Variants in CNKSR2 observed in about 807,000 individuals in gnomAD.
The protein encoded by CNKSR2 is connector enhancer of kinase suppressor of Ras 2.
Under a neutral mutation model 84.4 loss-of-function variants are expected in CNKSR2, and 14 were observed. That is an observed-to-expected ratio of 0.17 (90% CI 0.11 to 0.26). The LOEUF is 0.26. CNKSR2 is among the 10% of genes least tolerant of loss of function. The pLI is 1.00. For missense variants in CNKSR2, 485 were observed against 771.2 expected, an observed-to-expected ratio of 0.63 and a Z score of 4.40; for synonymous variants, 275 against 277.9, an observed-to-expected ratio of 0.99 and a Z score of 0.10.
At chrX:21,420,518 C>T (rs949132629) in intron 1 of CNKSR2, among the ~76,000 whole-genome samples, 1 of 111,851 alleles carries the variant, frequency 8.9e-6, no homozygotes, top group African/African-American at 3.2e-5. Context: ...CTGGGTCTCA[C>T]CTGAAGCCAA....
intron 20 of CNKSR2, among the ~76,000 whole-genome samples, chrX:21,612,132 C>T (rs2092553430): frequency 8.9e-6 from 1 of 112,038 alleles, no homozygotes. Flanking sequence ...CTTTAAAAAC[C>T]AGTGTTTTCA....
At chrX:21,554,593 C>T (rs2092121515) in intron 11 of CNKSR2, among the ~76,000 whole-genome samples, 2 of 111,538 alleles carry the variant, frequency 1.8e-5, no homozygotes, top group South Asian at 7.5e-4. Context: ...ATTTGGTTTT[C>T]TGTTTCTGTG....
chrX:21,610,508 TA>T (rs2092545129), intron 20 of CNKSR2, among the ~76,000 whole-genome samples: 1 of 112,073 alleles, frequency 8.9e-6, no homozygotes, highest in African/African-American at 3.2e-5. Context: ...AAACAAAATA[TA>T]TAGAAGAAAT....
In CNKSR2 at chrX:21,590,945, C is replaced by T; in HGVS notation, c.1658-77C>T. On this transcript the variant is annotated intron_variant, in intron 14 of 21. Coordinates refer to ENST00000379510, the MANE Select transcript of CNKSR2 (RefSeq NM_014927.5). ...TTTTTAAGATTTTCAAGAACTCATA[C>T]TTCTTTTTGGTATCTATAGATTAAT... 1.0e-5 allele frequency: 9 copies of T among 880,192 alleles called. No individual in the cohort carries two copies. In the Admixed American group the frequency reaches 1.3e-4, roughly 13 times the overall value. The allele number at this position is 880,192 out of a possible 1,213,427, so 72.5% of individuals were successfully genotyped here.
At chrX:21,449,269 A>C (rs1188196184) in intron 4 of CNKSR2, among the ~76,000 whole-genome samples, 1 of 97,921 alleles carries the variant, frequency 1.0e-5, no homozygotes, top group African/African-American at 3.9e-5. Flanking sequence ...ACACCACTGC[A>C]CTCCAGCCTG....
intron 11 of CNKSR2, among the ~76,000 whole-genome samples, chrX:21,548,198 G>A (rs1197193896): frequency 9.0e-6 from 1 of 111,504 alleles, no homozygotes; most frequent in Non-Finnish European, 1.9e-5. Flanking sequence ...AAAAAATAAA[G>A]AAGAATCAAA....
chrX:21,569,791 T>C (rs1008958828), intron 13 of CNKSR2, among the ~76,000 whole-genome samples: 1 of 112,301 alleles, frequency 8.9e-6, no homozygotes, highest in African/African-American at 3.2e-5. Context: ...GAATGGCTGA[T>C]ATATTAGCAA....
At chrX:21,582,935 T>G (rs1403107011) in intron 13 of CNKSR2, among the ~76,000 whole-genome samples, 1 of 111,636 alleles carries the variant, frequency 9.0e-6, no homozygotes, top group African/African-American at 3.3e-5. Context: ...CTGATACATA[T>G]GACATTCTTT....
At chrX:21,472,044 C>T in intron 5 of CNKSR2, among the ~76,000 whole-genome samples, 1 of 111,808 alleles carries the variant, frequency 8.9e-6, no homozygotes, top group East Asian at 2.8e-4. Context: ...GAATCTAATA[C>T]CAAAGCCCAT....
At chrX:21,486,946 A>G (rs1461202464) in intron 5 of CNKSR2, among the ~76,000 whole-genome samples, 1 of 111,824 alleles carries the variant, frequency 8.9e-6, no homozygotes, top group African/African-American at 3.2e-5. Flanking sequence ...TAGAATTAGC[A>G]TGTAAAGCAA....
At chrX:21,391,417 A>G (rs2090049351) in intron 1 of CNKSR2, among the ~76,000 whole-genome samples, 1 of 111,853 alleles carries the variant, frequency 8.9e-6, no homozygotes, top group Admixed American at 9.4e-5. Flanking sequence ...CTTACCCTCT[A>G]TGCACCCGCA....
intron 1 of CNKSR2, among the ~76,000 whole-genome samples, chrX:21,405,496 T>C (rs1377251127): frequency 5.4e-5 from 6 of 111,967 alleles, no homozygotes; most frequent in African/African-American, 1.9e-4. Context: ...CTCTTGTATT[T>C]GACTACCTTA....
intron 1 of CNKSR2, among the ~76,000 whole-genome samples, chrX:21,414,566 A>G (rs1011116356): frequency 2.7e-5 from 3 of 110,290 alleles, no homozygotes; most frequent in African/African-American, 9.9e-5. Context: ...TGCAGAAGCA[A>G]AGGACCCCAT....
chrX:21,452,751 G>A lies in CNKSR2; in HGVS notation c.519+11970G>A, dbSNP rs551188752. ...TAGTTCTCAGCCATTTTACAAGCAT[G>A]ACTTATTTTATTTTATTTTATTTTA... is the stretch of plus-strand genomic sequence containing the variant. On this transcript the variant is annotated intron_variant, in intron 4 of 21. Coordinates refer to ENST00000379510, the MANE Select transcript of CNKSR2 (RefSeq NM_014927.5). Among the ~76,000 whole-genome samples, 10 of 90,709 alleles carry A rather than the reference G, an allele frequency of 1.1e-4. No individual in the cohort carries two copies. The South Asian group carries it at 4.5e-3, about 41-fold the overall frequency. 78.8% of individuals were successfully genotyped at this position (90,709 alleles called of 115,157 possible).
At chrX:21,582,987 TTGAC>T (rs2092362546) in intron 13 of CNKSR2, among the ~76,000 whole-genome samples, 1 of 111,993 alleles carries the variant, frequency 8.9e-6, no homozygotes, top group Non-Finnish European at 1.9e-5. Flanking sequence ...TAGTTGTAGT[TTGAC>T]TGACCTTCTC....
At chrX:21,378,170 C>G (rs1268128036) in intron 1 of CNKSR2, among the ~76,000 whole-genome samples, 1 of 111,250 alleles carries the variant, frequency 9.0e-6, no homozygotes, top group African/African-American at 3.3e-5. Context: ...CCCAAATTAT[C>G]CTGATAGTAC....
At chrX:21,403,654 T>C (rs958971165) in intron 1 of CNKSR2, among the ~76,000 whole-genome samples, 1 of 111,991 alleles carries the variant, frequency 8.9e-6, no homozygotes, top group Non-Finnish European at 1.9e-5. Flanking sequence ...TAAATCTATA[T>C]TGAATTTTAA....
chrX:21,378,162 C>T (rs2089846568), intron 1 of CNKSR2, among the ~76,000 whole-genome samples: 1 of 111,256 alleles, frequency 9.0e-6, no homozygotes, highest in Admixed American at 9.5e-5. Context: ...AGCTATATCC[C>T]AAATTATCCT....
chrX:21,457,980 G>T (rs1015712717), intron 4 of CNKSR2, among the ~76,000 whole-genome samples: 4 of 111,979 alleles, frequency 3.6e-5, no homozygotes, highest in African/African-American at 1.3e-4. Flanking sequence ...TAATAGACTG[G>T]AATCTGCTGT....
Sources: allele counts gnomAD v4.1 joint callset (sites outside exome capture counted in the v4.1 genomes callset), GRCh38; gene constraint gnomAD v4.1.1; transcripts MANE v1.5; gene names NCBI Gene and HGNC (gene_info 2026-07-23, HGNC 2026-07-21).